Variants in USP35 observed in about 807,000 individuals in gnomAD.
USP35 encodes the protein ubiquitin specific peptidase 35, also known as ubiquitin carboxyl-terminal hydrolase 35.
A neutral mutation model predicts 83.8 loss-of-function variants in USP35; 69 were observed. The observed-to-expected ratio is 0.82, with a 90% CI of 0.68 to 1.01. The LOEUF is 1.01. Ranked by LOEUF, USP35 falls within the 50% of genes least tolerant of loss-of-function variation. The pLI, the probability that USP35 is intolerant of heterozygous loss-of-function variation, is 0.00. For synonymous variants in USP35, 714 were observed against 589.5 expected (o/e 1.21, Z -3.06); for missense variants, 1,503 against 1,362.5 (o/e 1.10, Z -1.62).
chr11:78,200,346 G>A (rs1863310749), intron 5 of USP35, 112 bp downstream of exon 5: 14 of 1,312,242 alleles, frequency 1.1e-5, no homozygotes, highest in Non-Finnish European at 1.5e-5. Context: ...GGCTCTTGGG[G>A]CAGGTCACTT....
the USP35 span, among the ~76,000 whole-genome samples, chr11:78,231,136 G>C: frequency 1.3e-5 from 2 of 152,202 alleles, no homozygotes; most frequent in Non-Finnish European, 2.9e-5. Context: ...GTAAATGGCA[G>C]AGTTGGAGCA....
chr11:78,216,227 C>G (rs1864139525), downstream of USP35: 4 of 152,536 alleles, frequency 2.6e-5, no homozygotes, highest in South Asian at 8.3e-4. Flanking sequence ...TTGACTTAAC[C>G]TTGCAGAAGT....
chr11:78,205,800 C>G lies in USP35; in HGVS notation c.1198-42C>G, dbSNP rs770574539. 3.8e-6 allele frequency: 6 copies of G among 1,574,624 alleles called. No individual in the cohort carries two copies. The South Asian group carries it at 4.7e-5, about 12-fold the overall frequency. On this transcript the variant is annotated intron_variant, in intron 6 of 10. Coordinates refer to ENST00000529308, the MANE Select transcript of USP35 (RefSeq NM_020798.4). ...GAGGTGGTAGTTTTTTGAGCTGACC[C>G]TGGTGCCCACCATCCTGCCTGCCTG...
the USP35 span, among the ~76,000 whole-genome samples, chr11:78,230,134 C>T: frequency 1.3e-5 from 2 of 152,350 alleles, no homozygotes; most frequent in Non-Finnish European, 2.9e-5. Flanking sequence ...AATGAATAAA[C>T]GTTTGTTGTA....
chr11:78,201,243 G>T (rs1186033888), intron 6 of USP35, among the ~76,000 whole-genome samples: 2 of 152,144 alleles, frequency 1.3e-5, no homozygotes, highest in Non-Finnish European at 2.9e-5. Context: ...CACAGTCTTG[G>T]TACATCCCTC....
Position 78,196,960 on chromosome 11 carries a change from C to T in USP35, c.673+42C>T, listed in dbSNP as rs753738005. 2.1e-6 allele frequency: 3 copies of T among 1,426,518 alleles called. No homozygotes were observed. Among genetic ancestry groups the T allele is most frequent in the Non-Finnish European group, 2.7e-6 (3 of 1,094,890 alleles). 88.4% of individuals were successfully genotyped at this position (1,426,518 alleles called of 1,614,324 possible). A position where few individuals can be genotyped will look rare whatever the true frequency, so the allele number is the denominator to read the frequency against. On this transcript the variant is annotated intron_variant, in intron 2 of 10. Transcript: ENST00000529308. The surrounding 1 kb of genome is among the most constrained non-coding windows in gnomAD (Gnocchi z 4.8). ...GGCAGGAGCGCGGGCATGCGGAGGT[C>T]CTGGGTGGGCGCTTGGGTAGGTGGC...
downstream of USP35, among the ~76,000 whole-genome samples, chr11:78,219,721 C>A (rs561230479): frequency 6.6e-6 from 1 of 152,320 alleles, no homozygotes; most frequent in East Asian, 1.9e-4. Flanking sequence ...TCATCTCTGC[C>A]TCCACCCATC....
chr11:78,209,844 C>G lies in USP35; in HGVS notation c.1989C>G (p.Asp663Glu), dbSNP rs773358404. 2 of 1,612,898 alleles carry G rather than the reference C, an allele frequency of 1.2e-6. No individual in the cohort carries two copies. The highest frequency in any genetic ancestry group is 1.7e-6 in the Non-Finnish European group (2 of 1,179,510). Residue 663 changes from aspartate to glutamate, a missense_variant, in exon 10 of 11, where the codon GAC becomes GAG. Coordinates refer to ENST00000529308, the MANE Select transcript of USP35 (RefSeq NM_020798.4). ...CCAGCCTGTACATCGAAGGCCTGGA[C>G]TCCAAGGAAGCTGGTGGGCAGAGCA... ...PPTSLYIEGL[D>E]SKEAGGQSSQ...
the USP35 span, among the ~76,000 whole-genome samples, chr11:78,231,645 G>T: frequency 2.0e-5 from 3 of 152,158 alleles, no homozygotes; most frequent in Non-Finnish European, 4.4e-5. Flanking sequence ...ACTGTGCCCG[G>T]CCTTCCCTTG....
Position 78,196,652 on chromosome 11 carries a change from C to G in USP35, c.407C>G (p.Pro136Arg). ...REVLRTVCERPGPAACAQVAR... is the reference protein window; with the variant it reads ...REVLRTVCERRGPAACAQVAR... ...GTGCTGCGCACCGTGTGCGAGCGCC[C>G]GGGCCCCGCGGCCTGCGCGCAGGTG... The change falls in exon 2 of 11, where the codon CCG becomes CGG. Residue 136 changes from proline to arginine, a missense_variant. By Grantham distance (103) the Pro-to-Arg change is moderately radical. Transcript: ENST00000529308. The surrounding 1 kb of genome is among the most constrained non-coding windows in gnomAD (Gnocchi z 4.8). The G allele has an allele frequency of 2.9e-6, 4 of 1,393,398 alleles. No individual in the cohort carries two copies. Among genetic ancestry groups the G allele is most frequent in the Non-Finnish European group, 3.7e-6 (4 of 1,082,628 alleles). The allele number at this position is 1,393,398 out of a possible 1,614,324, so 86.3% of individuals were successfully genotyped here. A position where few individuals can be genotyped will look rare whatever the true frequency, so the allele number is the denominator to read the frequency against.
At chr11:78,225,746 CTATT>C in the USP35 span, among the ~76,000 whole-genome samples, 1 of 152,162 alleles carries the variant, frequency 6.6e-6, no homozygotes, top group African/African-American at 2.4e-5. Context: ...CTCTGCAACT[CTATT>C]TAAGTCTCTT....
chr11:78,225,388 G>C, the USP35 span, among the ~76,000 whole-genome samples: 4 of 152,298 alleles, frequency 2.6e-5, no homozygotes, highest in African/African-American at 9.6e-5. Flanking sequence ...TGGGCTTCTA[G>C]ATGTAGCTCC....
At chr11:78,203,772 G>T (rs1453030433) in intron 6 of USP35, among the ~76,000 whole-genome samples, 1 of 150,640 alleles carries the variant, frequency 6.6e-6, no homozygotes, top group East Asian at 1.9e-4. Flanking sequence ...TAGAGATGGG[G>T]TTTCACTGTG....
At chr11:78,233,662 A>G in the USP35 span, among the ~76,000 whole-genome samples, 1 of 152,036 alleles carries the variant, frequency 6.6e-6, no homozygotes, top group Admixed American at 6.5e-5. Flanking sequence ...GCTAGAGTGC[A>G]GTGGTGCCAT....
chr11:78,235,501 T>C, the USP35 span, among the ~76,000 whole-genome samples: 1 of 152,176 alleles, frequency 6.6e-6, no homozygotes. Context: ...TCCGAACATT[T>C]ATGCTCTGCT....
chr11:78,236,457 T>TTA, the USP35 span, among the ~76,000 whole-genome samples: 1 of 152,156 alleles, frequency 6.6e-6, no homozygotes, highest in African/African-American at 2.4e-5. Flanking sequence ...GGACTCTTAT[T>TTA]TATTTTTCTT....
the USP35 span, chr11:78,220,283 G>T: frequency 6.2e-7 from 1 of 1,610,392 alleles, no homozygotes; most frequent in Non-Finnish European, 8.5e-7. Context: ...GGGACCCTGA[G>T]AGCTCTTACT....
At position 78,214,380 on chromosome 11, in the gene USP35, G is replaced by GGC. The variant is rs1268997129; in HGVS notation, c.*568_*569insCG. On this transcript the variant is annotated 3_prime_UTR_variant, in exon 11 of 11. Coordinates refer to ENST00000529308, the MANE Select transcript of USP35 (RefSeq NM_020798.4). Reference sequence around the variant, plus strand: ...TACCAAGCGCCACTGCATGGTTTTGGGGGGGGGGGCGGGGGGCTAGCTTCT... The same window carrying GGC: ...TACCAAGCGCCACTGCATGGTTTTGGGCGGGGGGGGGCGGGGGGCTAGCTTCT... 6 of 127,742 alleles carry GGC rather than the reference G, an allele frequency of 4.7e-5. 1 individual carries two copies. The highest frequency in any genetic ancestry group is 2.3e-4 in the Admixed American group (3 of 13,136). 7.9% of individuals were successfully genotyped at this position (127,742 alleles called of 1,614,324 possible). A position where few individuals can be genotyped will look rare whatever the true frequency, so the allele number is the denominator to read the frequency against.
rs1044452652 is a variant in USP35 at position 78,197,992 on chromosome 11, C to T, written c.730C>T (p.Leu244Phe). The T allele has an allele frequency of 3.1e-6, 5 of 1,614,126 alleles. No individual in the cohort carries two copies. The African/African-American group carries it at 4.0e-5, about 13-fold the overall frequency. The change falls in exon 3 of 11, where the codon CTC (leucine) becomes TTC (phenylalanine). Residue 244 changes from leucine (L) to phenylalanine (F), a missense_variant. Physicochemically the swap from Leu to Phe is conservative, Grantham distance 22. Transcript: ENST00000529308. ...CGTGGTCCAGCACCTCCCATTGGAGCTCATGGATGGTGTTGTCCGGAACCT... is the reference window on the plus strand; with the variant it reads ...CGTGGTCCAGCACCTCCCATTGGAGTTCATGGATGGTGTTGTCCGGAACCT... The part of the protein sequence containing the change: ...ASVVQHLPLE[L>F]MDGVVRNLSN...
Sources: allele counts gnomAD v4.1 joint callset (sites outside exome capture counted in the v4.1 genomes callset), GRCh38; gene constraint gnomAD v4.1.1; non-coding constraint Gnocchi (gnomAD v3.1); transcripts MANE v1.5; gene names NCBI Gene and HGNC (gene_info 2026-07-23, HGNC 2026-07-21).